Variants in MORC1 observed in about 807,000 individuals in gnomAD.
The protein encoded by MORC1 is MORC family CW-type zinc finger protein 1.
A neutral mutation model predicts 134.9 loss-of-function variants in MORC1; 59 were observed. The ratio of observed to expected loss-of-function variants is 0.44; its 90% CI spans 0.35 to 0.54. The LOEUF (loss-of-function observed/expected upper bound fraction) is 0.54, where lower values mean the gene tolerates loss of function less well. MORC1 is among the 20% of genes least tolerant of loss of function. The pLI is 0.00. For synonymous variants in MORC1, 395 were observed against 391.7 expected, an observed-to-expected ratio of 1.01 and a Z score of -0.10; for missense variants, 947 against 1,134.5, an observed-to-expected ratio of 0.83 and a Z score of 2.37.
At chr3:109,061,875 G>C in intron 11 of MORC1, 113 bp downstream of exon 11, 1 of 936,542 alleles carries the variant, frequency 1.1e-6, no homozygotes, top group South Asian at 1.4e-5. Context: ...AATCTTCTGA[G>C]CTTATCTGTG....
At chr3:109,060,954 TCAATAA>T (rs1341816615) in intron 11 of MORC1, among the ~76,000 whole-genome samples, 1 of 149,352 alleles carries the variant, frequency 6.7e-6, no homozygotes, top group Non-Finnish European at 1.5e-5. Context: ...AAATCAATGA[TCAATAA>T]CAATAAGATA....
At chr3:109,068,361 C>G (rs138054657) in intron 9 of MORC1, among the ~76,000 whole-genome samples, 137 of 152,262 alleles carry the variant, frequency 9.0e-4, no homozygotes, top group African/African-American at 3.2e-3. Context: ...GCCCCTCTCC[C>G]ACTCTTCCCC....
At chr3:108,996,277 C>CGCGT (rs1358593939) in intron 21 of MORC1, among the ~76,000 whole-genome samples, 3 of 127,484 alleles carry the variant, frequency 2.4e-5, no homozygotes, top group Non-Finnish European at 5.3e-5. Flanking sequence ...CGCGTGCGTG[C>CGCGT]GCGCGCGCGC....
At chr3:109,117,974 C>A (rs755797516) in intron 1 of MORC1, 21 bp downstream of exon 1, 2 of 1,576,360 alleles carry the variant, frequency 1.3e-6, no homozygotes, top group East Asian at 4.7e-5. Flanking sequence ...TCCCCGACCC[C>A]GACCCCACCT....
chr3:109,009,793 T>C (rs938475665), intron 17 of MORC1, among the ~76,000 whole-genome samples: 1 of 152,140 alleles, frequency 6.6e-6, no homozygotes, highest in Admixed American at 6.5e-5. Context: ...GGACAGTTTT[T>C]CCCTATTGTG....
At chr3:109,090,591 G>C (rs1950698657) in intron 8 of MORC1, among the ~76,000 whole-genome samples, 1 of 133,200 alleles carries the variant, frequency 7.5e-6, no homozygotes. Context: ...CTGAACTCCA[G>C]CCTGGGCAAC....
At chr3:109,074,117 A>G (rs1378922472) in intron 8 of MORC1, among the ~76,000 whole-genome samples, 1 of 152,160 alleles carries the variant, frequency 6.6e-6, no homozygotes, top group African/African-American at 2.4e-5. Flanking sequence ...GTGGCACCTA[A>G]TTTTAAAACA....
rs1950904505 is a variant in MORC1 at position 109,100,441 on chromosome 3, C to T, written c.290G>A (p.Gly97Glu). The stretch of plus-strand genomic sequence containing the variant: ...CCTTTTAAGACCATTGCCGTATTGC[C>T]CTATGAACTTCAAGGTTGACAGCCG... Reference protein sequence around the residue: ...KKRLSTLKFIGQYGNGLKSGS... With the variant: ...KKRLSTLKFIEQYGNGLKSGS... The change falls in exon 5 of 28, where the codon GGG (glycine) becomes GAG (glutamate). Residue 97 changes from glycine (G) to glutamate (E), a missense_variant. By Grantham distance (98) the Gly-to-Glu change is moderately conservative. This residue lies in a region of MORC1 where 214 missense variants were observed against 281.3 expected (regional missense o/e 0.76). Coordinates refer to ENST00000232603, the MANE Select transcript of MORC1 (RefSeq NM_014429.4). 6.2e-7 allele frequency: 1 copy of T among 1,613,256 alleles called. No individual in the cohort carries two copies. The highest frequency in any genetic ancestry group is 8.5e-7 in the Non-Finnish European group (1 of 1,179,324).
At chr3:109,116,086 A>G (rs924032964) in intron 1 of MORC1, among the ~76,000 whole-genome samples, 1 of 152,208 alleles carries the variant, frequency 6.6e-6, no homozygotes, top group Admixed American at 6.5e-5. Context: ...TGGGGAGAAC[A>G]GGTTGAAATG....
chr3:109,116,468 T>C (rs778895824), intron 1 of MORC1, among the ~76,000 whole-genome samples: 27 of 152,096 alleles, frequency 1.8e-4, no homozygotes, highest in Non-Finnish European at 7.4e-5. Context: ...CAGTAGGAAG[T>C]CTCAAACAAA....
At position 109,005,291 on chromosome 3, in the gene MORC1, T is replaced by G. The variant is rs1445185359; in HGVS notation, c.1792A>C (p.Arg598=). 5 of 1,595,198 alleles carry G rather than the reference T, an allele frequency of 3.1e-6. No individual in the cohort carries two copies. The highest frequency in any genetic ancestry group is 1.4e-5 in the African/African-American group (1 of 73,660). The change falls in exon 19 of 28, where the codon AGG becomes CGG. Residue 598 remains arginine, a synonymous_variant. Transcript: ENST00000232603. ...HKENTKTQKI[R]LLGDDLKHES... ...TGCTTCAAGTCATCGCCCAAAAGCC[T>G]GATTTTCTGGGTTTTGGTATTTTCC...
intron 8 of MORC1, among the ~76,000 whole-genome samples, chr3:109,074,106 C>T (rs565929282): frequency 4.6e-5 from 7 of 152,242 alleles, no homozygotes; most frequent in African/African-American, 9.6e-5. Context: ...ATGCTGGCAA[C>T]GTGGCACCTA....
At chr3:108,986,819 T>C (rs1036666103) in intron 22 of MORC1, 61 bp downstream of exon 22, 29 of 1,184,866 alleles carry the variant, frequency 2.4e-5, no homozygotes, top group Middle Eastern at 2.8e-4. Flanking sequence ...TCAAGCCATA[T>C]TGAAAATGTC....
intron 3 of MORC1, among the ~76,000 whole-genome samples, chr3:109,107,014 C>T (rs1951055275): frequency 6.6e-6 from 1 of 152,148 alleles, no homozygotes; most frequent in African/African-American, 2.4e-5. Flanking sequence ...CCCATACTGC[C>T]ACCTTCCACT....
chr3:109,090,197 T>G (rs753128204), intron 8 of MORC1, among the ~76,000 whole-genome samples: 40 of 152,086 alleles, frequency 2.6e-4, no homozygotes, highest in Non-Finnish European at 3.2e-4. Context: ...TGCTTGAACA[T>G]CACTTCTACT....
intron 22 of MORC1, among the ~76,000 whole-genome samples, chr3:108,986,357 G>C (rs554214774): frequency 6.6e-6 from 1 of 152,220 alleles, no homozygotes; most frequent in East Asian, 1.9e-4. Flanking sequence ...AATACTATCA[G>C]ATGGAAACTT....
chr3:109,031,108 T>C (rs1351843098), intron 16 of MORC1, among the ~76,000 whole-genome samples: 2 of 152,112 alleles, frequency 1.3e-5, no homozygotes, highest in Admixed American at 6.6e-5. Flanking sequence ...GGGACAACAG[T>C]AAGTTGAAGG....
intron 3 of MORC1, among the ~76,000 whole-genome samples, chr3:109,107,348 C>T (rs1038572527): frequency 2.6e-5 from 4 of 152,018 alleles, no homozygotes; most frequent in Non-Finnish European, 5.9e-5. Flanking sequence ...ACACAGTTAC[C>T]TCAGAGATAT....
chr3:109,055,170 G>C (rs1949928497), intron 13 of MORC1, among the ~76,000 whole-genome samples: 1 of 152,114 alleles, frequency 6.6e-6, no homozygotes, highest in Non-Finnish European at 1.5e-5. Context: ...GGGTGGGAAG[G>C]CAAGGCCTTT....
Sources: gnomAD v4.1 joint callset for allele counts (sites outside exome capture counted in the v4.1 genomes callset) on GRCh38, gnomAD v4.1.1 for gene constraint, gnomAD v4.1.1 regional missense constraint, MANE v1.5 for transcripts, NCBI Gene and HGNC (gene_info 2026-07-23, HGNC 2026-07-21) for gene names.